The following C2 variants were observed in gnomAD, a reference collection of about 807,000 sequenced individuals.
C2 encodes C3/C5 convertase.
C2 carries 64 observed loss-of-function variants against 85.2 expected under a neutral mutation model. That is an observed-to-expected ratio of 0.75 (90% CI 0.61 to 0.92). C2 has a LOEUF of 0.92. Among genes scored for constraint, C2 ranks in the 40% least tolerant of loss-of-function variants. The pLI is 0.00. For missense variants in C2, 820 were observed against 971.6 expected (o/e 0.84, Z 2.07); for synonymous variants, 311 against 370.8 (o/e 0.84, Z 1.85).
intron 1 of C2, among the ~76,000 whole-genome samples, chr6:31,913,434 G>A (rs1003051215): frequency 3.3e-5 from 5 of 152,052 alleles, no homozygotes; most frequent in East Asian, 1.9e-4. Flanking sequence ...AAATTAGCTG[G>A]GTGTGGTGGC....
intron 3 of C2, among the ~76,000 whole-genome samples, chr6:31,933,115 G>GGAGAGGGAGACCGTGGAAAGAGAGT (rs1770060552): frequency 6.6e-6 from 1 of 152,172 alleles, no homozygotes; most frequent in Non-Finnish European, 1.5e-5. Flanking sequence ...GGAAAGAGAG[G>GGAGAGGGAGACCGTGGAAAGAGAGT]GAGAGGGAGA....
At chr6:31,902,347 G>A (rs1334716780) in intron 1 of C2, among the ~76,000 whole-genome samples, 1 of 151,790 alleles carries the variant, frequency 6.6e-6, no homozygotes, top group African/African-American at 2.4e-5. Flanking sequence ...AATCCCGGCT[G>A]CCCATGGCGC....
In C2 at chr6:31,933,910, G is replaced by C. The variant is rs1191898264; in HGVS notation, c.660G>C (p.Leu220=). The change falls in exon 5 of 18, where the codon CTG becomes CTC. Residue 220 remains leucine (L), a synonymous_variant. Transcript: ENST00000299367. ...TCCCTGAGGACGTGGCCCCTGCCCT[G>C]GGCACTTCCTTCTCCCACATGCTTG... ...YDFPEDVAPA[L]GTSFSHMLGA... 1 of 1,614,194 alleles carries C rather than the reference G, an allele frequency of 6.2e-7. No individual in the cohort carries two copies. The highest frequency in any genetic ancestry group is 1.7e-5 in the Admixed American group (1 of 60,026).
upstream of C2, chr6:31,900,786 G>T (rs765085960): frequency 1.3e-6 from 2 of 1,592,832 alleles, no homozygotes; most frequent in South Asian, 1.1e-5. The surrounding 1 kb of genome is among the most constrained non-coding windows in gnomAD (Gnocchi z 9.7). Context: ...AGGAGTGGAG[G>T]GGGTAGAGGA....
At chr6:31,910,339 C>A (rs1187845604) in intron 1 of C2, among the ~76,000 whole-genome samples, 1 of 150,200 alleles carries the variant, frequency 6.7e-6, no homozygotes, top group Non-Finnish European at 1.5e-5. Context: ...GTCCTTTGCT[C>A]ATTTTTTTTT....
rs1165587844 is a variant in C2 at position 31,943,075 on chromosome 6, C to T, written c.1336C>T (p.His446Tyr). 10 of 1,612,970 alleles carry T rather than the reference C, an allele frequency of 6.2e-6. No homozygotes were observed. The highest frequency in any genetic ancestry group is 1.1e-5 in the South Asian group (1 of 91,092). Residue 446 changes from histidine to tyrosine, a missense_variant, in exon 10 of 18, where the codon CAC becomes TAC. Coordinates refer to ENST00000299367, the MANE Select transcript of C2 (RefSeq NM_000063.6). This position sits in a 1 kb window ranked among gnomAD's most constrained non-coding sequence, Gnocchi z 6.4. The part of the protein sequence containing the change: ...AFILQDTKAL[H>Y]QVFEHMLDVS... ...CATTCTGCAGGACACAAAGGCTCTG[C>T]ACCAGGTCTTTGAACATATGCTGGG...
intron 1 of C2, among the ~76,000 whole-genome samples, chr6:31,903,185 C>G (rs1196550727): frequency 2.6e-5 from 4 of 152,202 alleles, no homozygotes; most frequent in Non-Finnish European, 5.9e-5. Flanking sequence ...AATTGGATTT[C>G]TTTTTTACGT....
At chr6:31,930,039 A>C (rs1018523435) in intron 3 of C2, among the ~76,000 whole-genome samples, 1 of 150,828 alleles carries the variant, frequency 6.6e-6, no homozygotes, top group African/African-American at 2.4e-5. Context: ...AAACAAACAA[A>C]AAACAAAAAA....
rs1364908837 is a variant in C2 at position 31,927,942 on chromosome 6, C to T, written c.47-13C>T. The T allele has an allele frequency of 6.2e-7, 1 of 1,611,718 alleles. No homozygotes were observed. Among genetic ancestry groups the T allele is most frequent in the Non-Finnish European group, 8.5e-7 (1 of 1,177,762 alleles). ...CTTTCTCCATTGCTGTCTCCTTGTT[C>T]CCACGGCTCTAGGTCTGGCAGACTC... On this transcript the variant is annotated splice_polypyrimidine_tract_variant and intron_variant, in intron 1 of 17. Transcript: ENST00000299367. The surrounding 1 kb of genome is among the most constrained non-coding windows in gnomAD (Gnocchi z 4.7).
intron 9 of C2, 179 bp from the exon 10 acceptor site, chr6:31,942,780 G>A (rs569913388): frequency 7.9e-4 from 549 of 695,156 alleles, no homozygotes; most frequent in Non-Finnish European, 1.2e-3. Context: ...GTGTGCTGCA[G>A]GAGAGTGAAG....
intron 3 of C2, among the ~76,000 whole-genome samples, chr6:31,929,711 C>CT (rs1769569372): frequency 1.1e-5 from 1 of 90,980 alleles, no homozygotes; most frequent in African/African-American, 4.2e-5. Flanking sequence ...GAGTAAGACT[C>CT]TGTCTCAAAA....
upstream of C2, among the ~76,000 whole-genome samples, chr6:31,924,915 C>A (rs776394284): frequency 7.2e-5 from 11 of 152,144 alleles, no homozygotes; most frequent in Non-Finnish European, 1.3e-4. Context: ...TCTGGGCTGA[C>A]CTTGTGATTT....
At chr6:31,931,155 G>A (rs1769704527) in intron 3 of C2, among the ~76,000 whole-genome samples, 1 of 151,738 alleles carries the variant, frequency 6.6e-6, no homozygotes, top group African/African-American at 2.4e-5. Context: ...TTATTGCTGT[G>A]TAGTATTCCA....
rs765244613 is a variant in C2 at position 31,944,045 on chromosome 6, G to A, written c.1810+52G>A. ...AGAGCTGGGGCCGGGGTTTGGGGGT[G>A]ATAACAAGGACTAGGCTGCAGTCCC... On this transcript the variant is annotated intron_variant, in intron 14 of 17. Coordinates refer to ENST00000299367, the MANE Select transcript of C2 (RefSeq NM_000063.6). The surrounding 1 kb of genome is among the most constrained non-coding windows in gnomAD (Gnocchi z 5.1). The A allele has an allele frequency of 1.3e-6, 2 of 1,599,796 alleles. No homozygotes were observed. Among genetic ancestry groups the A allele is most frequent in the Non-Finnish European group, 1.7e-6 (2 of 1,168,062 alleles).
chr6:31,899,770 G>A, upstream of C2: 1 of 785,292 alleles, frequency 1.3e-6, no homozygotes, highest in Non-Finnish European at 2.0e-6. Context: ...TCTCTCCAAG[G>A]AATCATCTTC....
rs1771118544 is a variant in C2 at position 31,943,936 on chromosome 6, A to AGATG, written c.1753_1754insGATG (p.Thr585ArgfsTer18). 24 of 1,612,772 alleles carry AGATG rather than the reference A, an allele frequency of 1.5e-5. No individual in the cohort carries two copies. The highest frequency in any genetic ancestry group is 2.0e-5 in the Non-Finnish European group (24 of 1,180,004). On this transcript the variant is annotated frameshift_variant, in exon 14 of 18. Transcript: ENST00000299367. LOFTEE classifies it high-confidence loss of function. The surrounding 1 kb of genome is among the most constrained non-coding windows in gnomAD (Gnocchi z 6.4). ...CCCCAGGCCCATCTGCCTTCCCTGC[A>AGATG]CGATGGAGGCCAATCTGGCTCTGCG...
In C2 at chr6:31,928,136, C is replaced by A. The variant is rs566638128; in HGVS notation, c.228C>A (p.Thr76=). 45 of 1,612,268 alleles carry A rather than the reference C, an allele frequency of 2.8e-5. No homozygotes were observed. In the African/African-American group the frequency reaches 5.9e-4, roughly 21 times the overall value. ...SSGQWQTPGA[T]RSLSKAVCKP... ...GACAGTGGCAGACCCCAGGAGCCAC[C>A]CGGTCTCTGTCTAAGGCGGTCTGCA... Residue 76 remains threonine (T), a synonymous_variant, in exon 2 of 18, where the codon ACC becomes ACA. Transcript: ENST00000299367.
chr6:31,933,750 G>A lies in C2; in HGVS notation c.583G>A (p.Gly195Arg), dbSNP rs1464680465. Residue 195 changes from glycine to arginine, a missense_variant, in exon 4 of 18, where the codon GGG (glycine) becomes AGG (arginine). By Grantham distance (125) the Gly-to-Arg change is moderately radical. Coordinates refer to ENST00000299367, the MANE Select transcript of C2 (RefSeq NM_000063.6). ...TTCGGAGCGGGAGTGCCAGGGCAAC[G>A]GGGTCTGGAGTGGAACGGAGCCCAT... ...GSSERECQGN[G>R]VWSGTEPICR... 6 of 1,613,586 alleles carry A rather than the reference G, an allele frequency of 3.7e-6. No homozygotes were observed. Among genetic ancestry groups the A allele is most frequent in the Non-Finnish European group, 5.1e-6 (6 of 1,180,044 alleles).
upstream of C2, among the ~76,000 whole-genome samples, chr6:31,917,009 T>C (rs1409317298): frequency 6.6e-6 from 1 of 150,936 alleles, no homozygotes; most frequent in Non-Finnish European, 1.5e-5. Context: ...TCGTCTCTAC[T>C]AAAAATACAA....
Sources: allele counts gnomAD v4.1 joint callset (sites outside exome capture counted in the v4.1 genomes callset), GRCh38; gene constraint gnomAD v4.1.1; non-coding constraint Gnocchi (gnomAD v3.1); transcripts MANE v1.5; gene names NCBI Gene and HGNC (gene_info 2026-07-23, HGNC 2026-07-21).